Variants in NIN observed in about 807,000 individuals in gnomAD.
The protein encoded by NIN is glycogen synthase kinase 3 beta-interacting protein.
In NIN, 137 loss-of-function variants were observed where a neutral mutation model predicts 257.6. That is an observed-to-expected ratio of 0.53 (90% CI 0.46 to 0.61). The LOEUF is 0.61. Among genes scored for constraint, NIN ranks in the 20% least tolerant of loss-of-function variants. The pLI, the probability that NIN is intolerant of heterozygous loss-of-function variation, is 0.00. For missense variants in NIN, 2,439 were observed against 2,501.2 expected (o/e 0.98, Z 0.53); for synonymous variants, 918 against 919.8 (o/e 1.00, Z 0.04).
chr14:50,789,986 G>A (rs1377800936), intron 5 of NIN, among the ~76,000 whole-genome samples: 1 of 152,248 alleles, frequency 6.6e-6, no homozygotes, highest in Non-Finnish European at 1.5e-5. Flanking sequence ...CATAACCACA[G>A]CTGCTGTGCA....
rs183541424 is a variant in NIN at position 50,765,640 on chromosome 14, C to T, written c.1635+667G>A. The stretch of plus-strand genomic sequence containing the variant: ...TACTTGTAAAAATGTTTCCATCTCT[C>T]CTGGCCGAAATTGGGAATGATTTAC... On this transcript the variant is annotated intron_variant, in intron 14 of 30. Transcript: ENST00000530997. Among the ~76,000 whole-genome samples, 1,222 of 151,632 alleles carry T rather than the reference C, an allele frequency of 8.1e-3. 23 individuals carry two copies. Among genetic ancestry groups the T allele is most frequent in the African/African-American group, 0.028 (1,156 of 41,444 alleles).
chr14:50,738,527 TCTA>T (rs2033326812), intron 26 of NIN, among the ~76,000 whole-genome samples: 2 of 152,156 alleles, frequency 1.3e-5, no homozygotes, highest in South Asian at 4.1e-4. Context: ...GACTTCTGGG[TCTA>T]CTAACTCTCC....
At chr14:50,759,552 A>G (rs531856721) in intron 17 of NIN, among the ~76,000 whole-genome samples, 3,859 of 150,138 alleles carry the variant, frequency 0.026, 94 homozygotes, top group Non-Finnish European at 0.044. Flanking sequence ...GGAGTGCAGT[A>G]GCGCGATCTC....
intron 3 of NIN, among the ~76,000 whole-genome samples, chr14:50,811,987 G>A (rs1210986920): frequency 6.6e-6 from 1 of 151,994 alleles, no homozygotes; most frequent in Non-Finnish European, 1.5e-5. Context: ...TGGGCGTGGT[G>A]GCAGTGCCTG....
chr14:50,739,399 T>C lies in NIN; in HGVS notation c.5537A>G (p.Asn1846Ser). 1.9e-6 allele frequency: 3 copies of C among 1,614,252 alleles called. No individual in the cohort carries two copies. Among genetic ancestry groups the C allele is most frequent in the Non-Finnish European group, 1.7e-6 (2 of 1,180,034 alleles). ...TTGCCAAAGCAGCTGCTGTTCCTCATTCATCAGATGATCCAACTTGTCCCA... is the reference window on the plus strand; with the variant it reads ...TTGCCAAAGCAGCTGCTGTTCCTCACTCATCAGATGATCCAACTTGTCCCA... Reference protein sequence around the residue: ...LSWDKLDHLMNEEQQLLWQEN... With the variant: ...LSWDKLDHLMSEEQQLLWQEN... Residue 1846 changes from asparagine (N) to serine (S), a missense_variant, in exon 26 of 31, where the codon AAT (asparagine) becomes AGT (serine). Asn to Ser is a conservative substitution (Grantham distance 46). Coordinates refer to ENST00000530997, the MANE Select transcript of NIN (RefSeq NM_020921.4).
chr14:50,770,634 G>T (rs909982645), intron 11 of NIN, 72 bp from the exon 12 acceptor site: 97 of 1,537,902 alleles, frequency 6.3e-5, no homozygotes, highest in Non-Finnish European at 5.6e-5. Flanking sequence ...ACCAAAAATG[G>T]AAACACAGAG....
At chr14:50,804,250 G>A (rs1480778189) in intron 4 of NIN, among the ~76,000 whole-genome samples, 1 of 152,080 alleles carries the variant, frequency 6.6e-6, no homozygotes, top group Non-Finnish European at 1.5e-5. Context: ...AGAACTGCAC[G>A]ATCCCCACGA....
chr14:50,820,461 T>C (rs1367215852), intron 3 of NIN, among the ~76,000 whole-genome samples: 2 of 152,148 alleles, frequency 1.3e-5, no homozygotes, highest in African/African-American at 4.8e-5. Context: ...TTAATGAGCA[T>C]TAAAACAGAT....
At chr14:50,791,551 G>GT (rs1046289169) in intron 5 of NIN, among the ~76,000 whole-genome samples, 3 of 150,372 alleles carry the variant, frequency 2.0e-5, no homozygotes, top group Non-Finnish European at 4.4e-5. Context: ...AGTGTCATTT[G>GT]TTTTTTTAAA....
At chr14:50,810,570 G>A (rs548915841) in intron 3 of NIN, among the ~76,000 whole-genome samples, 39 of 152,234 alleles carry the variant, frequency 2.6e-4, no homozygotes, top group African/African-American at 8.7e-4. Context: ...TATTGAGATG[G>A]AGGAAAGATA....
rs771631400 is a variant in NIN, at chr14:50,726,033, C to T, written c.6112G>A (p.Glu2038Lys). Reference sequence around the variant, plus strand: ...TTCTGTTCAACTTCTATCATTCGTTCCTCCATGACAGTTACCAGTTGTTCC... The same window carrying T: ...TTCTGTTCAACTTCTATCATTCGTTTCTCCATGACAGTTACCAGTTGTTCC... The part of the protein sequence containing the change: ...NQEQLVTVME[E>K]RMIEVEQKLK... The change falls in exon 30 of 31, where the codon GAA becomes AAA. Residue 2038 changes from glutamate (E) to lysine (K), a missense_variant. Coordinates refer to ENST00000530997, the MANE Select transcript of NIN (RefSeq NM_020921.4). The T allele has an allele frequency of 1.3e-5, 21 of 1,613,776 alleles. No individual in the cohort carries two copies. Among genetic ancestry groups the T allele is most frequent in the Non-Finnish European group, 1.4e-5 (17 of 1,179,860 alleles).
intron 7 of NIN, among the ~76,000 whole-genome samples, chr14:50,774,287 G>C (rs2042839379): frequency 6.6e-6 from 1 of 152,218 alleles, no homozygotes; most frequent in African/African-American, 2.4e-5. Context: ...ACTACTGCTA[G>C]GATTTATACG....
chr14:50,797,195 T>C (rs1419508390), intron 4 of NIN, among the ~76,000 whole-genome samples: 2 of 152,210 alleles, frequency 1.3e-5, no homozygotes, highest in African/African-American at 2.4e-5. Flanking sequence ...GTTGTACCTA[T>C]TGAGGAAGAA....
intron 21 of NIN, among the ~76,000 whole-genome samples, chr14:50,749,040 A>C (rs2041675852): frequency 6.6e-6 from 1 of 152,224 alleles, no homozygotes; most frequent in South Asian, 2.1e-4. Context: ...TGGGGGCATC[A>C]AGCTACCTGA....
At chr14:50,767,800 C>G (rs201010002) in intron 12 of NIN, among the ~76,000 whole-genome samples, 101 of 137,856 alleles carry the variant, frequency 7.3e-4, no homozygotes, top group East Asian at 6.6e-3. Flanking sequence ...CTGGGCGACA[C>G]AGCAAGACTC....
intron 27 of NIN, among the ~76,000 whole-genome samples, chr14:50,737,776 C>G (rs1037853139): frequency 4.6e-5 from 7 of 151,790 alleles, no homozygotes; most frequent in Admixed American, 2.0e-4. Flanking sequence ...TCCCAAGTAG[C>G]TGGGACTATA....
chr14:50,808,098 A>C (rs1350323182), intron 3 of NIN, among the ~76,000 whole-genome samples: 1 of 152,236 alleles, frequency 6.6e-6, no homozygotes, highest in Non-Finnish European at 1.5e-5. Context: ...TAAAAAATCT[A>C]CGTAATCTAA....
chr14:50,788,190 T>C (rs764964), intron 5 of NIN, among the ~76,000 whole-genome samples: 76,101 of 152,038 alleles, frequency 0.5, 22,054 homozygotes, highest in East Asian at 0.84. Context: ...TCATACATTC[T>C]ACCCAGGAGA....
intron 3 of NIN, 75 bp downstream of exon 3, chr14:50,821,799 G>T (rs1334894720): frequency 1.7e-6 from 2 of 1,181,550 alleles, no homozygotes; most frequent in Non-Finnish European, 2.5e-6. Flanking sequence ...CAACATGTGT[G>T]GTCCGCCCCA....
Sources: allele counts gnomAD v4.1 joint callset (sites outside exome capture counted in the v4.1 genomes callset), GRCh38; gene constraint gnomAD v4.1.1; transcripts MANE v1.5; gene names NCBI Gene and HGNC (gene_info 2026-07-23, HGNC 2026-07-21).